OSBPL1A: variants seen among roughly 807,000 people sequenced by gnomAD.
OSBPL1A encodes the protein oxysterol binding protein like 1A, also known as oxysterol-binding protein-related protein 1.
In OSBPL1A, 80 loss-of-function variants were observed where a neutral mutation model predicts 137.1. The ratio of observed to expected loss-of-function variants is 0.58; its 90% CI spans 0.49 to 0.70. OSBPL1A has a LOEUF of 0.70. Among genes scored for constraint, OSBPL1A ranks in the 30% least tolerant of loss-of-function variants. The pLI, the probability that OSBPL1A is intolerant of heterozygous loss-of-function variation, is 0.00. For missense variants in OSBPL1A, 970 were observed against 1,129.4 expected (o/e 0.86, Z 2.02); for synonymous variants, 365 against 389.7 (o/e 0.94, Z 0.75).
rs561293564 is a variant in OSBPL1A at position 24,318,809 on chromosome 18, T to A, written c.626A>T (p.Asp209Val). Residue 209 changes from aspartate to valine, a missense_variant and splice_region_variant, in exon 8 of 28, where the codon GAT (aspartate) becomes GTT (valine). Asp to Val is a radical substitution (Grantham distance 152, BLOSUM62 -3). This residue lies in a region of OSBPL1A where 647 missense variants were observed against 672.6 expected (regional missense o/e 0.96). Transcript: ENST00000319481. ...GADPNLKNKN[D>V]QKPLDLAQGA... ...CTGGGCAAGGTCAAGAGGTTTCTGA[T>A]CTGTGCAAAATACAAAGAAAAAAAG... is the stretch of plus-strand genomic sequence containing the variant. The A allele has an allele frequency of 6.2e-7, 1 of 1,613,296 alleles. No homozygotes were observed. The highest frequency in any genetic ancestry group is 1.7e-5 in the Admixed American group (1 of 59,972).
chr18:24,376,144 G>GAA (rs1906114184), intron 2 of OSBPL1A, among the ~76,000 whole-genome samples: 1 of 152,202 alleles, frequency 6.6e-6, no homozygotes, highest in African/African-American at 2.4e-5. Flanking sequence ...GCTGGCTCCG[G>GAA]CAGCCTGCTG....
intron 7 of OSBPL1A, among the ~76,000 whole-genome samples, chr18:24,324,733 G>A (rs1027044362): frequency 3.7e-4 from 54 of 147,128 alleles, no homozygotes; most frequent in Non-Finnish European, 7.1e-4. Flanking sequence ...GCAGTGAGCC[G>A]AGATCACACC....
chr18:24,163,584 A>T (rs1480509778), intron 27 of OSBPL1A, among the ~76,000 whole-genome samples: 1 of 152,220 alleles, frequency 6.6e-6, no homozygotes, highest in Non-Finnish European at 1.5e-5. Flanking sequence ...TATTTGTCTA[A>T]CGGGTTTACC....
intron 15 of OSBPL1A, among the ~76,000 whole-genome samples, chr18:24,253,133 T>A (rs2089151368): frequency 9.0e-6 from 1 of 111,092 alleles, no homozygotes; most frequent in African/African-American, 3.3e-5. Context: ...ACATTGAATG[T>A]AAATGGACTA....
At chr18:24,318,896 T>G (rs983854758) in intron 7 of OSBPL1A, 87 bp from the exon 8 acceptor site, 18 of 1,087,902 alleles carry the variant, frequency 1.7e-5, no homozygotes, top group Non-Finnish European at 2.3e-5. Flanking sequence ...TAATAGTCCT[T>G]CATTTTTCTA....
chr18:24,354,464 G>T (rs898178019), intron 4 of OSBPL1A, among the ~76,000 whole-genome samples: 3 of 152,076 alleles, frequency 2.0e-5, no homozygotes, highest in Non-Finnish European at 4.4e-5. Context: ...CCTCTGCAGA[G>T]GTAACACCGA....
At chr18:24,308,689 T>C (rs1224256862) in intron 13 of OSBPL1A, among the ~76,000 whole-genome samples, 1 of 152,200 alleles carries the variant, frequency 6.6e-6, no homozygotes, top group Non-Finnish European at 1.5e-5. Context: ...ATCTTCGCTG[T>C]CCGTTGTGGT....
chr18:24,314,335 C>G lies in OSBPL1A; in HGVS notation c.883G>C (p.Asp295His). 1 of 1,606,516 alleles carries G rather than the reference C, an allele frequency of 6.2e-7. No homozygotes were observed. The highest frequency in any genetic ancestry group is 1.3e-5 in the African/African-American group (1 of 74,680). Residue 295 changes from aspartate to histidine, a missense_variant, in exon 12 of 28, where the codon GAT becomes CAT. Around this residue, in one of 2 missense-constraint regions of OSBPL1A, gnomAD observed 647 missense variants for 672.6 expected, o/e 0.96. Transcript: ENST00000319481. ...CATTTAATAAAGAAGAGGCAGCTATCAGTGGATTTTACCTTGGATATAAAG... is the reference window on the plus strand; with the variant it reads ...CATTTAATAAAGAAGAGGCAGCTATGAGTGGATTTTACCTTGGATATAAAG... The part of the protein sequence containing the change: ...TQAVCTVKST[D>H]SCLFFIKCFD...
chr18:24,185,451 C>T (rs1275374394), intron 18 of OSBPL1A, among the ~76,000 whole-genome samples: 1 of 151,946 alleles, frequency 6.6e-6, no homozygotes, highest in Non-Finnish European at 1.5e-5. Flanking sequence ...TCCCAAGGAG[C>T]TGGGACTACA....
intron 18 of OSBPL1A, among the ~76,000 whole-genome samples, chr18:24,186,272 T>A (rs1052748706): frequency 6.6e-6 from 1 of 152,198 alleles, no homozygotes; most frequent in East Asian, 1.9e-4. Context: ...TTTGGATGTA[T>A]ATTGTTTGTG....
chr18:24,174,545 C>T (rs1346169215), intron 21 of OSBPL1A, among the ~76,000 whole-genome samples: 1 of 152,076 alleles, frequency 6.6e-6, no homozygotes, highest in Non-Finnish European at 1.5e-5. Flanking sequence ...ATTCAAAATC[C>T]AAAACACTTT....
intron 7 of OSBPL1A, among the ~76,000 whole-genome samples, chr18:24,332,178 C>A (rs933696950): frequency 1.3e-4 from 20 of 151,718 alleles, no homozygotes; most frequent in Non-Finnish European, 1.9e-4. Flanking sequence ...GAGTTCGAGA[C>A]CAGCCTGGCC....
chr18:24,333,202 A>G, intron 6 of OSBPL1A, 116 bp from the exon 7 acceptor site: 1 of 1,170,594 alleles, frequency 8.5e-7, no homozygotes, highest in Non-Finnish European at 1.2e-6. Context: ...CTTGGCATCC[A>G]GGCTGTTAGT....
chr18:24,256,964 C>CAAAAAAAAAAAAAAAAAA lies in OSBPL1A; in HGVS notation c.1282-17600_1282-17583dup, dbSNP rs201880387. Reference sequence around the variant, plus strand: ...GCTGATGAAAGAACTGAAGAGGATGCAAAAAAAAAAAAAAAAAAAAAAAAA... The same window carrying CAAAAAAAAAAAAAAAAAA: ...GCTGATGAAAGAACTGAAGAGGATGCAAAAAAAAAAAAAAAAAAAAAAAAAAAAAAAAAAAAAAAAAAA... On this transcript the variant is annotated intron_variant, in intron 15 of 27. Transcript: ENST00000319481. 2.0e-4 allele frequency among the ~76,000 whole-genome samples: 6 copies of CAAAAAAAAAAAAAAAAAA among 29,514 alleles called. 2 individuals are homozygous for CAAAAAAAAAAAAAAAAAA. The highest frequency in any genetic ancestry group is 4.1e-4 in the Non-Finnish European group (6 of 14,698). 19.4% of individuals were successfully genotyped at this position (29,514 alleles called of 152,430 possible).
chr18:24,247,031 G>C (rs187507567), intron 15 of OSBPL1A, among the ~76,000 whole-genome samples: 12 of 152,106 alleles, frequency 7.9e-5, no homozygotes, highest in African/African-American at 2.9e-4. Context: ...ATAAAATTAA[G>C]TTTTTAAAAT....
rs2086039395 is a variant in OSBPL1A at position 24,162,397 on chromosome 18, G to A, written c.*782C>T. On this transcript the variant is annotated 3_prime_UTR_variant, in exon 28 of 28. Coordinates refer to ENST00000319481, the MANE Select transcript of OSBPL1A (RefSeq NM_080597.4). ...ACTGGAAGTGGAAGCATTTAACAAG[G>A]TTTGTCATTATGTAATGGTGATTAA... 2 of 152,184 alleles carry A rather than the reference G, an allele frequency of 1.3e-5. No individual in the cohort carries two copies. The highest frequency in any genetic ancestry group is 2.9e-5 in the Non-Finnish European group (2 of 68,026). 9.4% of individuals were successfully genotyped at this position (152,184 alleles called of 1,614,324 possible).
chr18:24,390,925 C>T (rs371459206), intron 1 of OSBPL1A, among the ~76,000 whole-genome samples: 8 of 151,930 alleles, frequency 5.3e-5, no homozygotes, highest in East Asian at 2.0e-4. Context: ...CATGGTGAAA[C>T]CCCGTCTCTA....
intron 4 of OSBPL1A, among the ~76,000 whole-genome samples, chr18:24,356,512 C>A (rs554127725): frequency 1.3e-5 from 2 of 152,214 alleles, no homozygotes; most frequent in South Asian, 4.2e-4. Flanking sequence ...TGATAAATGG[C>A]GCCCTGGCTG....
intron 15 of OSBPL1A, among the ~76,000 whole-genome samples, chr18:24,274,845 G>A (rs1367471345): frequency 6.6e-6 from 1 of 151,974 alleles, no homozygotes; most frequent in East Asian, 1.9e-4. Flanking sequence ...GGAGGCTGAG[G>A]TTGCAGTGAG....
Sources: allele counts gnomAD v4.1 joint callset (sites outside exome capture counted in the v4.1 genomes callset), GRCh38; gene constraint gnomAD v4.1.1; regional missense constraint gnomAD v4.1.1; transcripts MANE v1.5; gene names NCBI Gene and HGNC (gene_info 2026-07-23, HGNC 2026-07-21).